Variants in DPH5 observed in about 807,000 individuals in gnomAD.
DPH5 encodes diphthamide biosynthesis 5.
A neutral mutation model predicts 31.6 loss-of-function variants in DPH5; 31 were observed. That is an observed-to-expected ratio of 0.98 (90% CI 0.74 to 1.32). DPH5 has a LOEUF of 1.32. DPH5 is among the 40% of genes most tolerant of loss of function. The pLI, the probability that DPH5 is intolerant of heterozygous loss-of-function variation, is 0.00. For missense variants in DPH5, 309 were observed against 335.7 expected (o/e 0.92, Z 0.62); for synonymous variants, 120 against 115.0 (o/e 1.04, Z -0.28).
At chr1:101,023,489 T>G (rs984104118) in intron 2 of DPH5, among the ~76,000 whole-genome samples, 1 of 152,210 alleles carries the variant, frequency 6.6e-6, no homozygotes, top group African/African-American at 2.4e-5. Context: ...CATAATTTAC[T>G]GTAGGTAAGG....
rs1205220314 is a variant in DPH5 at position 101,013,775 on chromosome 1, C to T, written c.304G>A (p.Gly102Arg). ...SDLVLRATKL[G>R]IPYRVIHNAS... ...TTGTGAATAACTCTATAAGGAATTCCCAGCTTTGTTGCTCTTAGAACAAGA... is the reference window on the plus strand; with the variant it reads ...TTGTGAATAACTCTATAAGGAATTCTCAGCTTTGTTGCTCTTAGAACAAGA... The change falls in exon 4 of 8, where the codon GGA becomes AGA. Residue 102 changes from glycine (G) to arginine (R), a missense_variant. Physicochemically the swap from Gly to Arg is moderately radical, Grantham distance 125. Transcript: ENST00000370109. The T allele has an allele frequency of 4.3e-6, 7 of 1,612,978 alleles. No homozygotes were observed. The highest frequency in any genetic ancestry group is 5.9e-6 in the Non-Finnish European group (7 of 1,179,496).
chr1:100,993,566 ATAT>A (rs1658017028), intron 6 of DPH5, among the ~76,000 whole-genome samples: 3 of 71,190 alleles, frequency 4.2e-5, no homozygotes, highest in African/African-American at 1.8e-4. Context: ...ATAAATATAT[ATAT>A]ATATATATAT....
At chr1:100,993,553 AATATAAAT>A (rs1201743880) in intron 6 of DPH5, among the ~76,000 whole-genome samples, 2 of 35,934 alleles carry the variant, frequency 5.6e-5, no homozygotes, top group African/African-American at 1.7e-4. Context: ...CTCTGTCGAA[AATATAAAT>A]ATATATATAT....
Position 100,989,699 on chromosome 1 carries a change from A to T in DPH5, c.*709T>A, listed in dbSNP as rs1014541841. 2.6e-5 allele frequency: 4 copies of T among 152,208 alleles called. No homozygotes were observed. The allele number at this position is 152,208 out of a possible 1,614,324, so 9.4% of individuals were successfully genotyped here. The stretch of plus-strand genomic sequence containing the variant: ...TTTTTTACCCTTTAAAACAGATTCA[A>T]GTGATTCAAATTCCAGTTACCTCTA... On this transcript the variant is annotated 3_prime_UTR_variant, in exon 8 of 8. Coordinates refer to ENST00000370109, the MANE Select transcript of DPH5 (RefSeq NM_015958.3).
At chr1:101,018,172 G>C (rs1660207020) in intron 3 of DPH5, among the ~76,000 whole-genome samples, 1 of 151,398 alleles carries the variant, frequency 6.6e-6, no homozygotes, top group African/African-American at 2.4e-5. Context: ...ATCCAAAAAT[G>C]TTTTGATTAA....
At chr1:100,998,976 G>A (rs1000440778) in intron 5 of DPH5, among the ~76,000 whole-genome samples, 7 of 152,174 alleles carry the variant, frequency 4.6e-5, no homozygotes, top group Non-Finnish European at 8.8e-5. Flanking sequence ...GTTGTGGCAT[G>A]AAAGTAGCCA....
In DPH5 at chr1:100,990,370, G is replaced by A; in HGVS notation, c.*38C>T. On this transcript the variant is annotated 3_prime_UTR_variant, in exon 8 of 8. Transcript: ENST00000370109. ...ATCCAAACCATATCAATCCATATAT[G>A]GCTGAAATTTACATCAGACAATGGT... is the stretch of plus-strand genomic sequence containing the variant. The A allele has an allele frequency of 6.3e-7, 1 of 1,588,004 alleles. No individual in the cohort carries two copies. The highest frequency in any genetic ancestry group is 1.1e-5 in the South Asian group (1 of 90,414).
Position 101,025,466 on chromosome 1 carries a change from A to C in DPH5, c.-23T>G. On this transcript the variant is annotated splice_region_variant and 5_prime_UTR_variant, in exon 2 of 8. Coordinates refer to ENST00000370109, the MANE Select transcript of DPH5 (RefSeq NM_015958.3). ...CATTTCAAACTTGAGGAGAAGAGAG[A>C]CTGCAAGACGAAGTGGACAGAAAAA... 1 of 1,613,268 alleles carries C rather than the reference A, an allele frequency of 6.2e-7. No individual in the cohort carries two copies. The highest frequency in any genetic ancestry group is 8.5e-7 in the Non-Finnish European group (1 of 1,179,872).
chr1:101,006,472 CA>C (rs1659239570), intron 4 of DPH5, among the ~76,000 whole-genome samples: 1 of 151,992 alleles, frequency 6.6e-6, no homozygotes, highest in South Asian at 2.1e-4. Flanking sequence ...AGCAGGTAGT[CA>C]AAAACTGTTC....
intron 4 of DPH5, among the ~76,000 whole-genome samples, chr1:101,004,210 G>A (rs544137292): frequency 2.0e-4 from 30 of 152,284 alleles, no homozygotes; most frequent in Non-Finnish European, 2.9e-4. Flanking sequence ...CTTCTTCAGT[G>A]AATCCTGGAA....
intron 4 of DPH5, among the ~76,000 whole-genome samples, chr1:101,007,662 C>A (rs1247123592): frequency 6.6e-6 from 1 of 151,692 alleles, no homozygotes; most frequent in Admixed American, 6.6e-5. Flanking sequence ...TTGCAGTGAG[C>A]TGAGATCGCG....
chr1:101,025,429 G>C lies in DPH5; in HGVS notation c.15C>G (p.Ile5Met). Residue 5 changes from isoleucine (I) to methionine (M), a missense_variant, in exon 2 of 8, where the codon ATC becomes ATG. Coordinates refer to ENST00000370109, the MANE Select transcript of DPH5 (RefSeq NM_015958.3). ...CCTTGGCATCTCCCAGGCCCAACCC[G>C]ATGAGATAAAGCATTTCAAACTTGA... MLYLIGLGLGDAKDI... is the reference protein window; with the variant it reads MLYLMGLGLGDAKDI... 1.2e-6 allele frequency: 2 copies of C among 1,614,100 alleles called. No homozygotes were observed. The highest frequency in any genetic ancestry group is 8.5e-7 in the Non-Finnish European group (1 of 1,180,016).
chr1:101,016,347 C>T (rs557935466), intron 3 of DPH5, among the ~76,000 whole-genome samples: 2 of 151,922 alleles, frequency 1.3e-5, no homozygotes, highest in South Asian at 2.1e-4. Flanking sequence ...GAATGAGACT[C>T]CTTCTCAAAA....
At chr1:101,001,403 A>T in intron 5 of DPH5, 64 bp downstream of exon 5, 2 of 1,543,280 alleles carry the variant, frequency 1.3e-6, no homozygotes, top group South Asian at 2.4e-5. Context: ...CTTAACACAA[A>T]ATCAAAATGA....
At chr1:101,020,539 T>G (rs1660372878) in intron 3 of DPH5, among the ~76,000 whole-genome samples, 1 of 151,604 alleles carries the variant, frequency 6.6e-6, no homozygotes, top group Non-Finnish European at 1.5e-5. Flanking sequence ...TCCTCCAGCT[T>G]TAAACACCAT....
In DPH5 at chr1:100,992,618, C is replaced by T. The variant is rs201426078; in HGVS notation, c.634+19G>A. ...GTAACAGAGGAATAATATGAGAGCC[C>T]TTCTAGTGTCTTGAGTACCTGGTTC... On this transcript the variant is annotated intron_variant, in intron 7 of 7. Transcript: ENST00000370109. 2.1e-4 allele frequency: 326 copies of T among 1,575,424 alleles called. 2 individuals carry two copies. In the African/African-American group the frequency reaches 3.9e-3, roughly 19 times the overall value.
intron 7 of DPH5, 83 bp from the exon 8 acceptor site, chr1:100,990,714 T>C (rs772852870): frequency 7.6e-7 from 1 of 1,317,048 alleles, no homozygotes; most frequent in South Asian, 1.3e-5. Flanking sequence ...GTACCACAAG[T>C]ACATTTCAAG....
In DPH5 at chr1:101,025,731, T is replaced by A; in HGVS notation, c.-72A>T. The stretch of plus-strand genomic sequence containing the variant: ...TCTCTGGCCTTTACAAATTCTTAAC[T>A]ACCACCTTTCCGCAGAAGCAACTGC... On this transcript the variant is annotated 5_prime_UTR_variant, in exon 1 of 8. Transcript: ENST00000370109. 1 of 348,780 alleles carries A rather than the reference T, an allele frequency of 2.9e-6. No homozygotes were observed. The highest frequency in any genetic ancestry group is 5.3e-6 in the Non-Finnish European group (1 of 189,654). 21.6% of individuals were successfully genotyped at this position (348,780 alleles called of 1,614,324 possible).
intron 4 of DPH5, among the ~76,000 whole-genome samples, chr1:101,012,128 T>A (rs971766762): frequency 6.6e-6 from 1 of 152,198 alleles, no homozygotes; most frequent in African/African-American, 2.4e-5. Flanking sequence ...CTTGAATTTC[T>A]GACTTCAGGT....
Sources: gnomAD v4.1 joint callset for allele counts (sites outside exome capture counted in the v4.1 genomes callset) on GRCh38, gnomAD v4.1.1 for gene constraint, MANE v1.5 for transcripts, NCBI Gene and HGNC (gene_info 2026-07-23, HGNC 2026-07-21) for gene names.